Variants in WASHC2A observed in about 807,000 individuals in gnomAD.
WASHC2A encodes the protein WASH complex subunit 2A.
A neutral mutation model predicts 140.3 loss-of-function variants in WASHC2A; 82 were observed. The observed-to-expected ratio is 0.58, with a 90% confidence interval of 0.49 to 0.70. WASHC2A has a LOEUF of 0.70. Ranked by LOEUF, WASHC2A falls within the 30% of genes least tolerant of loss-of-function variation. The probability of loss-of-function intolerance (pLI) is 0.00; values close to 1 mark genes in which losing one functional copy is unlikely to be tolerated. For missense variants in WASHC2A, 985 were observed against 1,521.8 expected, an observed-to-expected ratio of 0.65 and a Z score of 5.87; for synonymous variants, 340 against 560.8, an observed-to-expected ratio of 0.61 and a Z score of 5.56.
Position 50,097,122 on chromosome 10 carries a change from A to G in WASHC2A, c.1421-553A>G, listed in dbSNP as rs1452512695. Reference sequence around the variant, plus strand: ...CATTGTTCAAATTATCTTCTTATTTATAGCCTTATTTATAAATAACTAGTG... The same window carrying G: ...CATTGTTCAAATTATCTTCTTATTTGTAGCCTTATTTATAAATAACTAGTG... On this transcript the variant is annotated intron_variant, in intron 15 of 30. Transcript: ENST00000282633. Among the ~76,000 whole-genome samples the G allele has an allele frequency of 5.2e-5, 7 of 133,406 alleles. No individual in the cohort carries two copies. The East Asian group carries it at 1.4e-3, about 26-fold the overall frequency. The allele number at this position is 133,406 out of a possible 152,430, so 87.5% of individuals were successfully genotyped here.
chr10:50,126,345 T>C, intron 26 of WASHC2A, 166 bp downstream of exon 26: 5 of 1,196,172 alleles, frequency 4.2e-6, no homozygotes, highest in Non-Finnish European at 5.9e-6. Context: ...ATCTCCCCTC[T>C]CCTCGCTCCA....
intron 16 of WASHC2A, among the ~76,000 whole-genome samples, chr10:50,098,480 G>C (rs1840721538): frequency 8.0e-6 from 1 of 124,680 alleles, no homozygotes; most frequent in African/African-American, 2.7e-5. Context: ...TGCTGCCACT[G>C]ATCTGACAGG....
At chr10:50,080,243 A>G (rs1392103922) in intron 4 of WASHC2A, among the ~76,000 whole-genome samples, 1 of 152,122 alleles carries the variant, frequency 6.6e-6, no homozygotes, top group African/African-American at 2.4e-5. Context: ...GGAGATGAAA[A>G]TGACCCCCTT....
At chr10:50,115,562 C>G (rs1481015947) in intron 21 of WASHC2A, among the ~76,000 whole-genome samples, 1 of 136,394 alleles carries the variant, frequency 7.3e-6, no homozygotes, top group African/African-American at 2.7e-5. Flanking sequence ...CCTCATTAGC[C>G]TTTTACCCTA....
rs1554874875 is a variant in WASHC2A at position 50,068,218 on chromosome 10, C to T, written c.117C>T (p.Ala39=). The T allele has an allele frequency of 1.3e-6, 2 of 1,579,654 alleles. No individual in the cohort carries two copies. Among genetic ancestry groups the T allele is most frequent in the South Asian group, 1.1e-5 (1 of 88,570 alleles). The change falls in exon 2 of 31, where the codon GCC becomes GCT. Residue 39 remains alanine, a synonymous_variant. Transcript: ENST00000282633. ...GCAGCCAGAGCTGGTCGCTGGCGGCCGACGCGGGCGTGAGAGGCGGGCCCC... is the reference window on the plus strand; with the variant it reads ...GCAGCCAGAGCTGGTCGCTGGCGGCTGACGCGGGCGTGAGAGGCGGGCCCC... ...RRSSQSWSLA[A]DAGLLQFLQE... is the part of the protein sequence containing the mutation.
chr10:50,098,220 T>C (rs1282364080), intron 16 of WASHC2A, among the ~76,000 whole-genome samples: 3 of 152,066 alleles, frequency 2.0e-5, no homozygotes, highest in Non-Finnish European at 4.4e-5. Flanking sequence ...ATCTAATATC[T>C]AGTCTGTATT....
chr10:50,095,797 G>A lies in WASHC2A; in HGVS notation c.1420+19G>A, dbSNP rs1234757428. ...AAAACAGGTATGTGTTCCTGCCTCC[G>A]TTTCTAGGACTTCAGCCAGAAAAAG... On this transcript the variant is annotated intron_variant, in intron 15 of 30. Transcript: ENST00000282633. The A allele has an allele frequency of 1.5e-4, 239 of 1,591,028 alleles. 2 individuals carry two copies. In the South Asian group the frequency reaches 2.2e-3, roughly 14 times the overall value.
intron 2 of WASHC2A, among the ~76,000 whole-genome samples, chr10:50,068,748 G>A (rs1589131339): frequency 6.7e-6 from 1 of 149,712 alleles, no homozygotes; most frequent in East Asian, 1.9e-4. Context: ...ACAGGGTTTT[G>A]CCCTGTCGCC....
intron 23 of WASHC2A, among the ~76,000 whole-genome samples, chr10:50,121,604 C>T (rs1171039177): frequency 8.0e-5 from 12 of 150,010 alleles, no homozygotes; most frequent in African/African-American, 1.3e-4. Context: ...GTGTTGGCCA[C>T]GCTGACCTTG....
At chr10:50,095,877 A>G in intron 15 of WASHC2A, 99 bp downstream of exon 15, 1 of 1,504,948 alleles carries the variant, frequency 6.6e-7, no homozygotes, top group Non-Finnish European at 9.0e-7. Flanking sequence ...TTACAGTGCC[A>G]GAATCCCTTC....
chr10:50,078,657 G>C lies in WASHC2A; in HGVS notation c.292-18G>C, dbSNP rs1413378894. On this transcript the variant is annotated intron_variant, in intron 3 of 30. Transcript: ENST00000282633. ...TGACGTGTTGACCTTTTAACATTGA[G>C]TTTGCTTCCATATTTAGCGTGTATA... is the stretch of plus-strand genomic sequence containing the variant. The C allele has an allele frequency of 6.2e-6, 10 of 1,611,652 alleles. No homozygotes were observed. Among genetic ancestry groups the C allele is most frequent in the Non-Finnish European group, 7.6e-6 (9 of 1,179,812 alleles).
rs369909007 is a variant in WASHC2A at position 50,132,786 on chromosome 10, C to A, written c.3887-20C>A. ...TCTCCACCCCTCTTCAGCAACCGTT[C>A]TTCTTTTTTCTTTCTAAAGATGACA... is the stretch of plus-strand genomic sequence containing the variant. On this transcript the variant is annotated intron_variant, in intron 30 of 30. Transcript: ENST00000282633. The A allele has an allele frequency of 1.2e-6, 2 of 1,611,594 alleles. No individual in the cohort carries two copies. Among genetic ancestry groups the A allele is most frequent in the African/African-American group, 1.3e-5 (1 of 74,790 alleles).
At chr10:50,126,267 T>C in intron 26 of WASHC2A, 88 bp downstream of exon 26, 1 of 1,608,464 alleles carries the variant, frequency 6.2e-7, no homozygotes, top group South Asian at 1.1e-5. Context: ...TTATTCAGAC[T>C]TGTCTGCATT....
At chr10:50,072,995 C>A (rs1438285292) in intron 3 of WASHC2A, among the ~76,000 whole-genome samples, 1 of 152,118 alleles carries the variant, frequency 6.6e-6, no homozygotes, top group African/African-American at 2.4e-5. Flanking sequence ...TCCAGACTTT[C>A]TAGGGCGAGA....
In WASHC2A at chr10:50,131,028, A is replaced by G; in HGVS notation, c.3836A>G (p.Glu1279Gly). The G allele has an allele frequency of 1.2e-6, 2 of 1,611,050 alleles. No individual in the cohort carries two copies. Among genetic ancestry groups the G allele is most frequent in the Non-Finnish European group, 8.5e-7 (1 of 1,179,336 alleles). Residue 1279 changes from glutamate (E) to glycine (G), a missense_variant, in exon 30 of 31, where the codon GAA becomes GGA. Transcript: ENST00000282633. ...GCTGACTTAACTGTAAAACCAAAAG[A>G]AAAGTCCAAAAAGAAAGTGGAAGCC... The part of the protein sequence containing the change: ...IFADLTVKPK[E>G]KSKKKVEAKS...
At chr10:50,075,054 A>G (rs1420402169) in intron 3 of WASHC2A, among the ~76,000 whole-genome samples, 3 of 151,008 alleles carry the variant, frequency 2.0e-5, no homozygotes, top group Non-Finnish European at 3.0e-5. Context: ...AGATGACGGT[A>G]TGTGTGTGTG....
chr10:50,131,405 C>T (rs1360381186), intron 30 of WASHC2A, among the ~76,000 whole-genome samples: 4 of 152,178 alleles, frequency 2.6e-5, no homozygotes, highest in Admixed American at 6.5e-5. Flanking sequence ...AATGACCTCA[C>T]GTGCTAAAGT....
At chr10:50,083,854 C>T (rs1279220402) in intron 5 of WASHC2A, among the ~76,000 whole-genome samples, 2 of 126,008 alleles carry the variant, frequency 1.6e-5, no homozygotes, top group Non-Finnish European at 1.7e-5. Flanking sequence ...CCATGGTGCC[C>T]GGCCTTACCT....
At chr10:50,130,707 G>T (rs1843885943) in intron 29 of WASHC2A, among the ~76,000 whole-genome samples, 194 bp from the exon 30 acceptor site, 1 of 152,230 alleles carries the variant, frequency 6.6e-6, no homozygotes, top group South Asian at 2.1e-4. Flanking sequence ...TGCAGTGCCG[G>T]CATTTGAGCC....
Sources: gnomAD v4.1 joint callset for allele counts (sites outside exome capture counted in the v4.1 genomes callset) on GRCh38, gnomAD v4.1.1 for gene constraint, MANE v1.5 for transcripts, NCBI Gene and HGNC (gene_info 2026-07-23, HGNC 2026-07-21) for gene names.